RSPH14: variants seen among roughly 807,000 people sequenced by gnomAD.
The protein encoded by RSPH14 is radial spoke head 14 homolog.
Under a neutral mutation model 26.7 loss-of-function variants are expected in RSPH14, and 20 were observed. That is an observed-to-expected ratio of 0.75 (90% CI 0.53 to 1.09). The LOEUF is 1.09. Among genes scored for constraint, RSPH14 ranks in the 50% least tolerant of loss-of-function variants. RSPH14 has a pLI of 0.00. For synonymous variants in RSPH14, 177 were observed against 189.3 expected, an observed-to-expected ratio of 0.93 and a Z score of 0.53; for missense variants, 449 against 457.2, an observed-to-expected ratio of 0.98 and a Z score of 0.16.
At chr22:23,063,833 C>T in intron 5 of RSPH14, 69 bp downstream of exon 5, 1 of 1,498,298 alleles carries the variant, frequency 6.7e-7, no homozygotes, top group Non-Finnish European at 9.2e-7. Flanking sequence ...CGCCCTTGAG[C>T]TCTGGACCAG....
intron 4 of RSPH14, among the ~76,000 whole-genome samples, chr22:23,103,003 G>A (rs1451470315): frequency 6.6e-6 from 1 of 152,206 alleles, no homozygotes; most frequent in Non-Finnish European, 1.5e-5. Flanking sequence ...TGAGGGAGGA[G>A]GGAGGAGAGA....
chr22:23,122,903 G>T (rs898630127), intron 4 of RSPH14, among the ~76,000 whole-genome samples: 1 of 152,216 alleles, frequency 6.6e-6, no homozygotes, highest in Non-Finnish European at 1.5e-5. Context: ...GGTGCTGCCG[G>T]CTATTTCCGT....
At chr22:23,147,857 C>G (rs575578792), upstream of RSPH14, among the ~76,000 whole-genome samples, 5 of 152,156 alleles carry the variant, frequency 3.3e-5, no homozygotes, top group Admixed American at 3.3e-4. Context: ...CAAAGTAAAC[C>G]GTTAAGTAAA....
chr22:23,135,026 C>A (rs1175703209), intron 3 of RSPH14, among the ~76,000 whole-genome samples: 2 of 152,094 alleles, frequency 1.3e-5, no homozygotes, highest in East Asian at 3.9e-4. Context: ...TAAAAGTTAG[C>A]CAGGCATGGT....
chr22:23,113,399 G>A (rs1377201177), intron 4 of RSPH14, among the ~76,000 whole-genome samples: 1 of 152,200 alleles, frequency 6.6e-6, no homozygotes, highest in East Asian at 1.9e-4. Flanking sequence ...ACCACCTTGA[G>A]CTGTCTCGGA....
chr22:23,137,598 G>C (rs1368364823), intron 3 of RSPH14, among the ~76,000 whole-genome samples: 2 of 151,938 alleles, frequency 1.3e-5, no homozygotes, highest in South Asian at 4.2e-4. Flanking sequence ...ATCCTGAACC[G>C]ATTTGAAGCC....
rs1280533075 is a variant in RSPH14 at position 23,130,089 on chromosome 22, AAG to A, written c.421+3935_421+3936del. Among the ~76,000 whole-genome samples, 21 of 19,082 alleles carry A rather than the reference AAG, an allele frequency of 1.1e-3. 1 individual carries two copies. The highest frequency in any genetic ancestry group is 2.4e-3 in the Admixed American group (3 of 1,234). The allele number at this position is 19,082 out of a possible 152,430, so 12.5% of individuals were successfully genotyped here. The stretch of plus-strand genomic sequence containing the variant: ...AAAGAAAGAAAGAAAGAAAGGAAGA[AAG>A]AAAGAAAGAAAGAAAGAAAGAAAGA... On this transcript the variant is annotated intron_variant, in intron 4 of 6. Transcript: ENST00000216036.
the RSPH14 span, among the ~76,000 whole-genome samples, chr22:23,154,740 C>T: frequency 6.6e-6 from 1 of 152,170 alleles, no homozygotes; most frequent in Non-Finnish European, 1.5e-5. Flanking sequence ...ACCAGCTCCT[C>T]CCCCAGAGTC....
At chr22:23,170,990 G>A in the RSPH14 span, among the ~76,000 whole-genome samples, 1 of 151,238 alleles carries the variant, frequency 6.6e-6, no homozygotes, top group African/African-American at 2.4e-5. Flanking sequence ...TTTTTTCAAG[G>A]TGGAGTCTCA....
chr22:23,146,988 C>G (rs373165387), upstream of RSPH14, among the ~76,000 whole-genome samples: 1 of 152,202 alleles, frequency 6.6e-6, no homozygotes, highest in Non-Finnish European at 1.5e-5. Context: ...GGGCAAATTA[C>G]TCAACCTCTC....
intron 4 of RSPH14, among the ~76,000 whole-genome samples, chr22:23,126,524 T>A (rs2070185764): frequency 6.6e-6 from 1 of 152,028 alleles, no homozygotes; most frequent in Non-Finnish European, 1.5e-5. Context: ...GGCTCCAGGG[T>A]CGAGTGGGAA....
chr22:23,153,404 C>T, the RSPH14 span: 1 of 236,738 alleles, frequency 4.2e-6, no homozygotes, highest in Non-Finnish European at 6.9e-6. Flanking sequence ...ATGCCCACCC[C>T]ACTCCTCTTG....
At chr22:23,146,750 A>G (rs2070801048), upstream of RSPH14, 6 of 1,584,328 alleles carry the variant, frequency 3.8e-6, no homozygotes, top group African/African-American at 2.7e-5. Flanking sequence ...TCCCCACTCT[A>G]CACTCATGCC....
At chr22:23,094,452 C>T (rs1230970657) in intron 4 of RSPH14, among the ~76,000 whole-genome samples, 1 of 152,184 alleles carries the variant, frequency 6.6e-6, no homozygotes, top group Non-Finnish European at 1.5e-5. Context: ...CTAGGCCACC[C>T]TGCCTTGCCC....
At chr22:23,098,243 G>A (rs1263384596) in intron 4 of RSPH14, among the ~76,000 whole-genome samples, 2 of 152,218 alleles carry the variant, frequency 1.3e-5, no homozygotes, top group African/African-American at 4.8e-5. Flanking sequence ...AGCTTGTAAT[G>A]ATCCTGATCC....
Position 23,064,147 on chromosome 22 carries a change from A to C in RSPH14, c.422-14T>G. On this transcript the variant is annotated splice_polypyrimidine_tract_variant and intron_variant, in intron 4 of 6. Transcript: ENST00000216036. ...TCTCTTGGGCCCCTACAAGGCAGGA[A>C]AGGGCACTGAGGGCGGGCTGGCCAC... is the stretch of plus-strand genomic sequence containing the variant. The C allele has an allele frequency of 6.2e-7, 1 of 1,613,216 alleles. No homozygotes were observed. Among genetic ancestry groups the C allele is most frequent in the African/African-American group, 1.3e-5 (1 of 75,026 alleles).
the RSPH14 span, among the ~76,000 whole-genome samples, chr22:23,165,097 T>C: frequency 6.6e-6 from 1 of 152,110 alleles, no homozygotes; most frequent in African/African-American, 2.4e-5. Flanking sequence ...CCCCCACCCA[T>C]CTGTGGAACC....
intron 4 of RSPH14, among the ~76,000 whole-genome samples, chr22:23,106,592 A>C (rs1245661078): frequency 6.6e-6 from 1 of 152,058 alleles, no homozygotes; most frequent in Non-Finnish European, 1.5e-5. Flanking sequence ...GCTAGTGAGG[A>C]GGTAGGGCAG....
At chr22:23,152,491 C>A in the RSPH14 span, 1 of 1,614,154 alleles carries the variant, frequency 6.2e-7, no homozygotes, top group East Asian at 2.2e-5. Context: ...TGGTGGTTGG[C>A]GATCTCTACG....
Sources: allele counts gnomAD v4.1 joint callset (sites outside exome capture counted in the v4.1 genomes callset), GRCh38; gene constraint gnomAD v4.1.1; transcripts MANE v1.5; gene names NCBI Gene and HGNC (gene_info 2026-07-23, HGNC 2026-07-21).